PDS5A: variants seen among roughly 807,000 people sequenced by gnomAD.
PDS5A encodes the protein sister chromatid cohesion protein PDS5 homolog A.
In PDS5A, 42 loss-of-function variants were observed where a neutral mutation model predicts 167.1. That is an observed-to-expected ratio of 0.25 (90% CI 0.20 to 0.33). The LOEUF is 0.33. Ranked by LOEUF, PDS5A falls within the 10% of genes least tolerant of loss-of-function variation. The pLI is 1.00. For missense variants in PDS5A, 1,033 were observed against 1,605.9 expected (o/e 0.64, Z 6.10); for synonymous variants, 553 against 554.6 (o/e 1.00, Z 0.04).
At chr4:39,879,627 A>G in intron 18 of PDS5A, 101 bp downstream of exon 18, 2 of 612,500 alleles carry the variant, frequency 3.3e-6, no homozygotes, top group Non-Finnish European at 5.9e-6. Context: ...AAATCTTTCA[A>G]ATAGTTTCCT....
intron 2 of PDS5A, among the ~76,000 whole-genome samples, chr4:39,930,245 A>ATTT (rs1725900180): frequency 8.6e-6 from 1 of 116,244 alleles, no homozygotes; most frequent in African/African-American, 2.9e-5. Context: ...AAAAAAAAAA[A>ATTT]AGTTTTTTTG....
chr4:39,867,085 T>C, intron 22 of PDS5A, 88 bp from the exon 23 acceptor site: 1 of 971,732 alleles, frequency 1.0e-6, no homozygotes, highest in Non-Finnish European at 1.5e-6. Context: ...ATGAGATTAC[T>C]CATCTCCATC....
chr4:39,975,792 A>G (rs1731031212), intron 2 of PDS5A, among the ~76,000 whole-genome samples: 2 of 152,198 alleles, frequency 1.3e-5, no homozygotes, highest in African/African-American at 2.4e-5. Flanking sequence ...TCTGGCCACA[A>G]TCTATGTCAG....
At chr4:39,911,389 C>G (rs1290182979) in intron 9 of PDS5A, among the ~76,000 whole-genome samples, 1 of 133,914 alleles carries the variant, frequency 7.5e-6, no homozygotes, top group Non-Finnish European at 1.7e-5. Context: ...AAGTAAGACT[C>G]CGTCTCAAAA....
chr4:39,913,556 G>A, intron 9 of PDS5A, 55 bp downstream of exon 9: 1 of 911,646 alleles, frequency 1.1e-6, no homozygotes, highest in Non-Finnish European at 1.8e-6. Flanking sequence ...CAAGTGGACT[G>A]CACCCTACTG....
intron 23 of PDS5A, among the ~76,000 whole-genome samples, chr4:39,864,601 T>A (rs549394387): frequency 6.6e-6 from 1 of 152,184 alleles, no homozygotes; most frequent in Non-Finnish European, 1.5e-5. Context: ...ACTGGGACTG[T>A]TGCTAAGCAT....
chr4:39,973,731 G>A (rs955425463), intron 2 of PDS5A: 2 of 1,286,186 alleles, frequency 1.6e-6, no homozygotes, highest in East Asian at 2.3e-5. Flanking sequence ...AGCATATGCA[G>A]AGAATGGCAA....
At chr4:39,958,323 A>G (rs982819802) in intron 2 of PDS5A, among the ~76,000 whole-genome samples, 1 of 151,818 alleles carries the variant, frequency 6.6e-6, no homozygotes, top group Admixed American at 6.6e-5. Context: ...CCTGGCCAAC[A>G]TGGTGAAACC....
At chr4:39,971,211 T>C (rs1163403981) in intron 2 of PDS5A, among the ~76,000 whole-genome samples, 1 of 152,130 alleles carries the variant, frequency 6.6e-6, no homozygotes, top group African/African-American at 2.4e-5. Context: ...CAGGCTGGAG[T>C]GCAGTGGTGG....
At chr4:39,952,277 G>C (rs1001971209) in intron 2 of PDS5A, among the ~76,000 whole-genome samples, 2 of 152,178 alleles carry the variant, frequency 1.3e-5, no homozygotes, top group African/African-American at 4.8e-5. Context: ...GTTGCAGTGA[G>C]CTGATATCAT....
At chr4:39,920,550 C>G (rs1724860922) in intron 6 of PDS5A, among the ~76,000 whole-genome samples, 151 bp from the exon 7 acceptor site, 1 of 152,186 alleles carries the variant, frequency 6.6e-6, no homozygotes, top group Non-Finnish European at 1.5e-5. Flanking sequence ...GAGTTCTCTT[C>G]AAGGTTTTGC....
intron 32 of PDS5A, among the ~76,000 whole-genome samples, chr4:39,827,450 C>T (rs1715428864): frequency 6.6e-6 from 1 of 152,164 alleles, no homozygotes; most frequent in Admixed American, 6.6e-5. Context: ...CCAAGATGAA[C>T]TGCCATCACT....
rs1731249169 is a variant in PDS5A, at chr4:39,977,624, G to C, written c.-208C>G. 1 of 153,762 alleles carries C rather than the reference G, an allele frequency of 6.5e-6. No individual in the cohort carries two copies. The highest frequency in any genetic ancestry group is 2.4e-5 in the African/African-American group (1 of 41,266). 9.5% of individuals were successfully genotyped at this position (153,762 alleles called of 1,614,324 possible). Reference sequence around the variant, plus strand: ...GCGCTGGGGCTGGCGGTGCCGAGGAGGAGCAGCCGCCGCGGGGGGAGACGC... The same window carrying C: ...GCGCTGGGGCTGGCGGTGCCGAGGACGAGCAGCCGCCGCGGGGGGAGACGC... On this transcript the variant is annotated 5_prime_UTR_variant, in exon 1 of 33. Transcript: ENST00000303538. This position sits in a 1 kb window ranked among gnomAD's most constrained non-coding sequence, Gnocchi z 4.2.
chr4:39,868,280 C>G (rs1227554699), intron 22 of PDS5A, among the ~76,000 whole-genome samples: 1 of 152,148 alleles, frequency 6.6e-6, no homozygotes, highest in Non-Finnish European at 1.5e-5. Flanking sequence ...CCTGCCTCAG[C>G]TTTCTGAGTA....
At chr4:39,882,866 C>T (rs1202006130) in intron 17 of PDS5A, among the ~76,000 whole-genome samples, 2 of 152,062 alleles carry the variant, frequency 1.3e-5, no homozygotes, top group East Asian at 3.9e-4. Flanking sequence ...TCTCAAGTGC[C>T]TCTTCAAAAC....
rs143991047 is a variant in PDS5A at position 39,854,232 on chromosome 4, G to A, written c.3087-4580C>T. 4.4e-3 allele frequency among the ~76,000 whole-genome samples: 671 copies of A among 152,308 alleles called. 8 individuals are homozygous for A. The highest frequency in any genetic ancestry group is 0.015 in the African/African-American group (635 of 41,554). ...GCAGGAGAATCACTTGAACCTGGGA[G>A]GCGGAGGTTGCAATGAGCCAAGATC... On this transcript the variant is annotated intron_variant, in intron 26 of 32. Transcript: ENST00000303538.
intron 16 of PDS5A, among the ~76,000 whole-genome samples, chr4:39,895,522 A>G (rs527478822): frequency 2.3e-3 from 354 of 152,358 alleles, no homozygotes; most frequent in Non-Finnish European, 3.3e-3. Context: ...CAGGACTGCA[A>G]GTTGATCTGG....
intron 6 of PDS5A, among the ~76,000 whole-genome samples, chr4:39,921,005 G>C (rs1724910885): frequency 6.6e-6 from 1 of 152,118 alleles, no homozygotes; most frequent in Admixed American, 6.6e-5. Context: ...GGGAATTCTT[G>C]TTTTGAATAA....
Position 39,844,724 on chromosome 4 carries a change from A to C in PDS5A, c.3480T>G (p.Thr1160=). The C allele has an allele frequency of 6.2e-7, 1 of 1,613,478 alleles. No individual in the cohort carries two copies. Among genetic ancestry groups the C allele is most frequent in the Non-Finnish European group, 8.5e-7 (1 of 1,179,502 alleles). Residue 1160 remains threonine, a synonymous_variant, in exon 30 of 33, where the codon ACT becomes ACG. Coordinates refer to ENST00000303538, the MANE Select transcript of PDS5A (RefSeq NM_001100399.2). ...ATGRKPYVRS[T]GTETGSNINV... ...TAATATTGCTTCCAGTCTCAGTGCC[A>C]GTGCTTCTAACATAGGGTTTCCTTC... is the stretch of plus-strand genomic sequence containing the variant.
Sources: allele counts gnomAD v4.1 joint callset (sites outside exome capture counted in the v4.1 genomes callset), GRCh38; gene constraint gnomAD v4.1.1; non-coding constraint Gnocchi (gnomAD v3.1); transcripts MANE v1.5; gene names NCBI Gene and HGNC (gene_info 2026-07-23, HGNC 2026-07-21).